The following PLXNA1 variants were observed in gnomAD, a reference collection of about 807,000 sequenced individuals.
The protein encoded by PLXNA1 is plexin-A1.
PLXNA1 carries 77 observed loss-of-function variants against 191.7 expected under a neutral mutation model. That is an observed-to-expected ratio of 0.40 (90% CI 0.33 to 0.49). The LOEUF (loss-of-function observed/expected upper bound fraction) is 0.49. Among genes scored for constraint, PLXNA1 ranks in the 20% least tolerant of loss-of-function variants. The pLI, the probability that PLXNA1 is intolerant of heterozygous loss-of-function variation, is 0.63. For synonymous variants in PLXNA1, 1,137 were observed against 1,156.4 expected (o/e 0.98, Z 0.34); for missense variants, 2,110 against 2,660.2 (o/e 0.79, Z 4.55).
intron 3 of PLXNA1, among the ~76,000 whole-genome samples, chr3:127,002,400 C>G (rs2079045467): frequency 6.6e-6 from 1 of 152,242 alleles, no homozygotes; most frequent in Admixed American, 6.5e-5. Flanking sequence ...CGCCCTCAGC[C>G]CAGGCCTGAT....
chr3:126,997,969 G>A (rs554703133), intron 3 of PLXNA1, among the ~76,000 whole-genome samples: 2 of 152,302 alleles, frequency 1.3e-5, no homozygotes, highest in East Asian at 3.9e-4. Flanking sequence ...CCGGGCAGTC[G>A]CCTTCCCCCA....
chr3:127,018,798 A>G (rs1359556832), intron 20 of PLXNA1, among the ~76,000 whole-genome samples: 3 of 152,234 alleles, frequency 2.0e-5, no homozygotes, highest in African/African-American at 7.2e-5. Context: ...CAGCTGGGCT[A>G]TAAGGCTGAA....
chr3:127,014,699 G>T lies in PLXNA1; in HGVS notation c.2757-12G>T. 1 of 1,610,776 alleles carries T rather than the reference G, an allele frequency of 6.2e-7. No individual in the cohort carries two copies. ...GGGGCTCCTGCAGCCCCTGAGGCCC[G>T]CCTGCCCACAGGATCGTCTGTGAGA... On this transcript the variant is annotated splice_polypyrimidine_tract_variant and intron_variant, in intron 13 of 31. Transcript: ENST00000393409.
intron 23 of PLXNA1, among the ~76,000 whole-genome samples, chr3:127,024,397 G>C (rs2079167240): frequency 6.6e-6 from 1 of 152,202 alleles, no homozygotes; most frequent in Non-Finnish European, 1.5e-5. Context: ...ACATTCCATG[G>C]AGAGCCGGGG....
rs1257152708 is a variant in PLXNA1, at chr3:127,017,506, G to C, written c.3358G>C (p.Gly1120Arg). Residue 1120 changes from glycine (G) to arginine (R), a missense_variant, in exon 18 of 32, where the codon GGG (glycine) becomes CGG (arginine). Physicochemically the swap from Gly to Arg is moderately radical, Grantham distance 125. Transcript: ENST00000393409. ...ANPVRSPPEL[G>R]ERPDELGFVM... ...CCCTGTGCGCAGCCCACCAGAGCTG[G>C]GGGAGCGGCCGGATGAGCTGGGCTT... is the stretch of plus-strand genomic sequence containing the variant. The C allele has an allele frequency of 6.2e-7, 1 of 1,613,652 alleles. No individual in the cohort carries two copies. The highest frequency in any genetic ancestry group is 8.5e-7 in the Non-Finnish European group (1 of 1,180,012).
In PLXNA1 at chr3:127,018,245, C is replaced by T. The variant is rs938141081; in HGVS notation, c.3661-49C>T. On this transcript the variant is annotated intron_variant, in intron 19 of 31. Coordinates refer to ENST00000393409, the MANE Select transcript of PLXNA1 (RefSeq NM_032242.4). Reference sequence around the variant, plus strand: ...TTGCCCATCGGGAGGGGCTCCCAAGCTTTGTGGAAAGCATGGGAAGCTCCT... The same window carrying T: ...TTGCCCATCGGGAGGGGCTCCCAAGTTTTGTGGAAAGCATGGGAAGCTCCT... 4 of 1,501,888 alleles carry T rather than the reference C, an allele frequency of 2.7e-6. No homozygotes were observed. The African/African-American group carries it at 5.5e-5, about 21-fold the overall frequency. 93.0% of individuals were successfully genotyped at this position (1,501,888 alleles called of 1,614,324 possible). A position where few individuals can be genotyped will look rare whatever the true frequency, so the allele number is the denominator to read the frequency against.
chr3:127,021,168 C>T (rs997326832), intron 21 of PLXNA1, among the ~76,000 whole-genome samples: 21 of 152,328 alleles, frequency 1.4e-4, no homozygotes, highest in African/African-American at 4.6e-4. Flanking sequence ...CAGACCTTCC[C>T]GCCTTGGGCC....
chr3:126,986,564 T>G (rs1213787490), intron 1 of PLXNA1, among the ~76,000 whole-genome samples: 1 of 152,128 alleles, frequency 6.6e-6, no homozygotes, highest in Non-Finnish European at 1.5e-5. Context: ...CCTTCATTCA[T>G]TCGCTCACTC....
At chr3:127,017,341 G>T in intron 17 of PLXNA1, 84 bp from the exon 18 acceptor site, 1 of 1,526,478 alleles carries the variant, frequency 6.6e-7, no homozygotes, top group Admixed American at 1.9e-5. Context: ...GGAGCAGGCA[G>T]CCCCCAGGCC....
Position 127,028,228 on chromosome 3 carries a change from G to A in PLXNA1, c.4557G>A (p.Pro1519=), listed in dbSNP as rs376931897. ...AGAATGAGAATGCACCTGAGGTGCCGGTGAAGGGGCTGGACTGTGACACGG... is the reference window on the plus strand; with the variant it reads ...AGAATGAGAATGCACCTGAGGTGCCAGTGAAGGGGCTGGACTGTGACACGG... ...NPENENAPEV[P]VKGLDCDTVT... Residue 1519 remains proline (P), a synonymous_variant, in exon 25 of 32, where the codon CCG becomes CCA. Coordinates refer to ENST00000393409, the MANE Select transcript of PLXNA1 (RefSeq NM_032242.4). 2.5e-5 allele frequency: 41 copies of A among 1,612,968 alleles called. No individual in the cohort carries two copies. Among genetic ancestry groups the A allele is most frequent in the African/African-American group, 1.3e-4 (10 of 74,950 alleles).
intron 31 of PLXNA1, among the ~76,000 whole-genome samples, chr3:127,033,537 G>A (rs746196830): frequency 3.3e-5 from 5 of 152,146 alleles, no homozygotes; most frequent in Non-Finnish European, 7.4e-5. Context: ...GAGACTGCAT[G>A]TATTAGGGTG....
chr3:127,004,965 CTG>C lies in PLXNA1; in HGVS notation c.1703_1704del (p.Val568AlafsTer23), dbSNP rs745997563. 1 of 1,610,364 alleles carries C rather than the reference CTG, an allele frequency of 6.2e-7. No individual in the cohort carries two copies. The highest frequency in any genetic ancestry group is 8.5e-7 in the Non-Finnish European group (1 of 1,178,062). ...GACCTGCTGCAGTGTGTGCAGCTGA[CTG>C]TGCAGCCCCGCAATGTGTCTGTCAC... On this transcript the variant is annotated frameshift_variant, in exon 6 of 32. Coordinates refer to ENST00000393409, the MANE Select transcript of PLXNA1 (RefSeq NM_032242.4). LOFTEE classifies it high-confidence loss of function.
At chr3:127,018,236 G>T in intron 19 of PLXNA1, 58 bp from the exon 20 acceptor site, 3 of 1,445,958 alleles carry the variant, frequency 2.1e-6, no homozygotes, top group Non-Finnish European at 2.8e-6. Context: ...ATCGGGAGGG[G>T]CTCCCAAGCT....
intron 1 of PLXNA1, among the ~76,000 whole-genome samples, chr3:126,986,123 G>C (rs2078958086): frequency 2.0e-5 from 3 of 152,248 alleles, no homozygotes; most frequent in Non-Finnish European, 2.9e-5. Context: ...AATTATCCCA[G>C]AGGAGGGGAG....
chr3:127,001,477 AG>A lies in PLXNA1; in HGVS notation c.1378-1848del, dbSNP rs576103680. Among the ~76,000 whole-genome samples, 914 of 151,970 alleles carry A rather than the reference AG, an allele frequency of 6.0e-3. 3 individuals are homozygous for A. The highest frequency in any genetic ancestry group is 0.013 in the South Asian group (64 of 4,810). On this transcript the variant is annotated intron_variant, in intron 3 of 31. Transcript: ENST00000393409. ...CCATATCCCCTGGTGCTGGTAGGGG[AG>A]GGGGAGCTGGGGCTGGGCTTCACAG...
intron 25 of PLXNA1, 37 bp from the exon 26 acceptor site, chr3:127,028,956 C>A (rs776423586): frequency 3.0e-5 from 47 of 1,541,236 alleles, no homozygotes; most frequent in Non-Finnish European, 4.1e-5. Flanking sequence ...GAAAGAGGGC[C>A]CCAGCGGCCC....
rs368734968 is a variant in PLXNA1, at chr3:127,015,149, T to C, written c.2878-35T>C. 3.1e-5 allele frequency: 49 copies of C among 1,591,216 alleles called. No individual in the cohort carries two copies. In the African/African-American group the frequency reaches 5.8e-4, roughly 19 times the overall value. On this transcript the variant is annotated intron_variant, in intron 14 of 31. Coordinates refer to ENST00000393409, the MANE Select transcript of PLXNA1 (RefSeq NM_032242.4). Reference sequence around the variant, plus strand: ...TCCCCATGTGGCCCGAGGGGGACTTTCCTGAGAGTTTCAGCAAGTTCCCTC... The same window carrying C: ...TCCCCATGTGGCCCGAGGGGGACTTCCCTGAGAGTTTCAGCAAGTTCCCTC...
At chr3:127,004,469 C>T in intron 4 of PLXNA1, 142 bp from the exon 5 acceptor site, 1 of 675,998 alleles carries the variant, frequency 1.5e-6, no homozygotes, top group Admixed American at 2.3e-5. Context: ...AGGGCAGGGT[C>T]ACCAGATCTG....
In PLXNA1 at chr3:127,014,799, C is replaced by G; in HGVS notation, c.2845C>G (p.Arg949Gly). 1 of 1,612,712 alleles carries G rather than the reference C, an allele frequency of 6.2e-7. No individual in the cohort carries two copies. Among genetic ancestry groups the G allele is most frequent in the South Asian group, 1.1e-5 (1 of 91,046 alleles). The change falls in exon 14 of 32, where the codon CGC (arginine) becomes GGC (glycine). Residue 949 changes from arginine to glycine, a missense_variant. Arg to Gly is a moderately radical substitution (Grantham distance 125). Coordinates refer to ENST00000393409, the MANE Select transcript of PLXNA1 (RefSeq NM_032242.4). Reference sequence around the variant, plus strand: ...TGTGCGGGACTGCTCACCACACTACCGCGCCCTGTCACCCAAGCGCTTCAC... The same window carrying G: ...TGTGCGGGACTGCTCACCACACTACGGCGCCCTGTCACCCAAGCGCTTCAC... ...VCVRDCSPHY[R>G]ALSPKRFTFV... is the part of the protein sequence containing the mutation.
Sources: allele counts gnomAD v4.1 joint callset (sites outside exome capture counted in the v4.1 genomes callset), GRCh38; gene constraint gnomAD v4.1.1; transcripts MANE v1.5; gene names NCBI Gene and HGNC (gene_info 2026-07-23, HGNC 2026-07-21).